The following TET2 variants were observed in gnomAD, a reference collection of about 807,000 sequenced individuals.
TET2 encodes the protein methylcytosine dioxygenase TET2.
Under a neutral mutation model 142.9 loss-of-function variants are expected in TET2, and 299 were observed. That is an observed-to-expected ratio of 2.09 (90% CI 1.90 to 2.30). The LOEUF (loss-of-function observed/expected upper bound fraction) is 2.30. Among genes scored for constraint, TET2 ranks in the 30% most tolerant of loss-of-function variants. The probability of loss-of-function intolerance (pLI) is 0.00; values close to 1 mark genes in which losing one functional copy is unlikely to be tolerated. For missense variants in TET2, 2,418 were observed against 2,378.0 expected (o/e 1.02, Z -0.35); for synonymous variants, 819 against 849.0 (o/e 0.96, Z 0.61).
Position 105,241,432 on chromosome 4 carries a change from A to T in TET2, c.3500+3A>T, listed in dbSNP as rs2110249331. ...ATTAGAGAAATCATGGAAGAAAGGT[A>T]ATTAACGCAAAGGCACAGGGCAGAT... On this transcript the variant is annotated splice_donor_region_variant and intron_variant, in intron 4 of 10. Coordinates refer to ENST00000380013, the MANE Select transcript of TET2 (RefSeq NM_001127208.3). The T allele has an allele frequency of 6.5e-7, 1 of 1,549,050 alleles. No individual in the cohort carries two copies. The highest frequency in any genetic ancestry group is 8.7e-7 in the Non-Finnish European group (1 of 1,146,352).
At position 105,200,642 on chromosome 4, in the gene TET2, G is replaced by GTTTTGTTTTTGT. The variant is rs70964635; in HGVS notation, c.-47+10160_-47+10171dup. Among the ~76,000 whole-genome samples the GTTTTGTTTTTGT allele has an allele frequency of 4.1e-4, 62 of 149,514 alleles. 2 individuals are homozygous for GTTTTGTTTTTGT. The South Asian group carries it at 7.5e-3, about 18-fold the overall frequency. ...CAGGTCACACTGTTTTTTTTTGTTT[G>GTTTTGTTTTTGT]TTTTGTTTTTGTTTTTGTTTTTGTT... is the stretch of plus-strand genomic sequence containing the variant. On this transcript the variant is annotated intron_variant, in intron 2 of 10. Transcript: ENST00000380013.
chr4:105,276,769 G>GA lies in TET2; in HGVS notation c.*253dup. ...TTCTATGCAAAAAGAAGGTGGGGAA[G>GA]AAAGTGTTCCGCAATTTACATTTTT... On this transcript the variant is annotated 3_prime_UTR_variant, in exon 11 of 11. Coordinates refer to ENST00000380013, the MANE Select transcript of TET2 (RefSeq NM_001127208.3). 1 of 403,530 alleles carries GA rather than the reference G, an allele frequency of 2.5e-6. No homozygotes were observed. The highest frequency in any genetic ancestry group is 4.5e-6 in the Non-Finnish European group (1 of 224,638). The allele number at this position is 403,530 out of a possible 1,614,324, so 25.0% of individuals were successfully genotyped here. A position where few individuals can be genotyped will look rare whatever the true frequency, so the allele number is the denominator to read the frequency against.
chr4:105,233,383 CAAAAAAAA>C (rs34890297), intron 2 of TET2, among the ~76,000 whole-genome samples: 1 of 76,148 alleles, frequency 1.3e-5, no homozygotes, highest in Non-Finnish European at 2.3e-5. Flanking sequence ...GACTCCATCT[CAAAAAAAA>C]AAAAAAAAAA....
At chr4:105,211,033 G>C (rs868094506) in intron 2 of TET2, among the ~76,000 whole-genome samples, 1 of 152,012 alleles carries the variant, frequency 6.6e-6, no homozygotes, top group Non-Finnish European at 1.5e-5. Flanking sequence ...ACTTCTAGCC[G>C]CACCTCAAAA....
chr4:105,241,319 A>ATC lies in TET2; in HGVS notation c.3410-18_3410-17dup. 6.5e-7 allele frequency: 1 copy of ATC among 1,529,348 alleles called. No homozygotes were observed. Among genetic ancestry groups the ATC allele is most frequent in the South Asian group, 1.2e-5 (1 of 80,104 alleles). The allele number at this position is 1,529,348 out of a possible 1,614,324, so 94.7% of individuals were successfully genotyped here. ...AGTATAATTGAGGTCTAAAATAATA[A>ATC]TCTTCTATTATCTCAACAGAGCAAA... On this transcript the variant is annotated intron_variant, in intron 3 of 10. Coordinates refer to ENST00000380013, the MANE Select transcript of TET2 (RefSeq NM_001127208.3).
At chr4:105,167,745 G>T (rs1437489235) in intron 1 of TET2, among the ~76,000 whole-genome samples, 7 of 152,072 alleles carry the variant, frequency 4.6e-5, no homozygotes, top group Non-Finnish European at 1.0e-4. Flanking sequence ...TCATTTCTGG[G>T]CCCTTGGAGA....
At chr4:105,190,567 G>T in intron 2 of TET2, 62 bp downstream of exon 2, 1 of 682,452 alleles carries the variant, frequency 1.5e-6, no homozygotes, top group Admixed American at 2.2e-5. Context: ...TAATGTAATG[G>T]TAATCTCTCT....
At chr4:105,203,428 C>T (rs6533182) in intron 2 of TET2, among the ~76,000 whole-genome samples, 2 of 152,050 alleles carry the variant, frequency 1.3e-5, no homozygotes, top group Non-Finnish European at 2.9e-5. Flanking sequence ...ACTGTAATCA[C>T]TTGGGAATTG....
At chr4:105,230,055 T>TATA (rs1560537478) in intron 2 of TET2, among the ~76,000 whole-genome samples, 34 of 151,942 alleles carry the variant, frequency 2.2e-4, no homozygotes, top group African/African-American at 8.0e-4. Context: ...ATATATATAT[T>TATA]TTTTGAGACA....
rs140283952 is a variant in TET2, at chr4:105,183,961, T to C, written c.-192-6399T>C. 1.3e-3 allele frequency among the ~76,000 whole-genome samples: 199 copies of C among 152,314 alleles called. 1 individual carries two copies. In the Middle Eastern group the frequency reaches 0.014, roughly 10 times the overall value. On this transcript the variant is annotated intron_variant, in intron 1 of 10. Coordinates refer to ENST00000380013, the MANE Select transcript of TET2 (RefSeq NM_001127208.3). ...GATGTTAGGAATGGTAAGTCTATTGTAGAGAATTATATTTTCTATTTTAGT... is the reference window on the plus strand; with the variant it reads ...GATGTTAGGAATGGTAAGTCTATTGCAGAGAATTATATTTTCTATTTTAGT...
Position 105,234,903 on chromosome 4 carries a change from CA to C in TET2, c.963del (p.Gln321HisfsTer26). On this transcript the variant is annotated frameshift_variant, in exon 3 of 11. Coordinates refer to ENST00000380013, the MANE Select transcript of TET2 (RefSeq NM_001127208.3). LOFTEE classifies it high-confidence loss of function. ...TACCTGTTCCTTTCAGAAACCAGAA[CA>C]ACTACAACAACAAAAATCAGTTTTT... is the stretch of plus-strand genomic sequence containing the variant. ...LNTCSFQKPE[Q>X]LQQQKSVFEI... 6.2e-7 allele frequency: 1 copy of C among 1,614,066 alleles called. No homozygotes were observed. Among genetic ancestry groups the C allele is most frequent in the Non-Finnish European group, 8.5e-7 (1 of 1,179,998 alleles).
At chr4:105,189,950 C>T (rs1449332103) in intron 1 of TET2, among the ~76,000 whole-genome samples, 1 of 152,176 alleles carries the variant, frequency 6.6e-6, no homozygotes, top group Non-Finnish European at 1.5e-5. Context: ...ATCTTACAGT[C>T]ACCTGGAGAA....
intron 1 of TET2, among the ~76,000 whole-genome samples, chr4:105,157,070 T>A (rs1445529042): frequency 6.6e-6 from 1 of 152,180 alleles, no homozygotes; most frequent in Non-Finnish European, 1.5e-5. Flanking sequence ...CTTTTTTGTT[T>A]GTTCTACTGT....
Position 105,235,630 on chromosome 4 carries a change from G to C in TET2, c.1688G>C (p.Gly563Ala), listed in dbSNP as rs2110229111. Residue 563 changes from glycine (G) to alanine (A), a missense_variant, in exon 3 of 11, where the codon GGA becomes GCA. Gly to Ala is a moderately conservative substitution (Grantham distance 60). Transcript: ENST00000380013. ...VPPTQHYLKPGWIELKAPRFH... is the reference protein window; with the variant it reads ...VPPTQHYLKPAWIELKAPRFH... ...CCAACACAGCACTATCTGAAACCAGGATGGATTGAATTGAAGGCCCCTCGT... is the reference window on the plus strand; with the variant it reads ...CCAACACAGCACTATCTGAAACCAGCATGGATTGAATTGAAGGCCCCTCGT... The C allele has an allele frequency of 6.2e-7, 1 of 1,614,134 alleles. No individual in the cohort carries two copies. The highest frequency in any genetic ancestry group is 8.5e-7 in the Non-Finnish European group (1 of 1,180,008).
intron 1 of TET2, among the ~76,000 whole-genome samples, chr4:105,174,944 A>G (rs1391890816): frequency 6.6e-6 from 1 of 152,202 alleles, no homozygotes; most frequent in Non-Finnish European, 1.5e-5. Flanking sequence ...CACATAGGGA[A>G]AGGAAAATAT....
At chr4:105,176,683 A>G (rs780266432) in intron 1 of TET2, among the ~76,000 whole-genome samples, 3 of 152,190 alleles carry the variant, frequency 2.0e-5, no homozygotes, top group Admixed American at 6.5e-5. Flanking sequence ...TCAAGATGTC[A>G]GTTCTTCCCA....
chr4:105,152,006 G>C (rs757052216), intron 1 of TET2, among the ~76,000 whole-genome samples: 1 of 152,134 alleles, frequency 6.6e-6, no homozygotes, highest in Non-Finnish European at 1.5e-5. Context: ...GCCTGGGCAT[G>C]GTGGCTCATA....
chr4:105,259,833 A>C, intron 7 of TET2, 64 bp downstream of exon 7: 1 of 1,473,088 alleles, frequency 6.8e-7, no homozygotes, highest in Non-Finnish European at 9.1e-7. Flanking sequence ...GCTTAGATGA[A>C]GTGAACAATA....
intron 3 of TET2, chr4:105,240,907 G>A: frequency 9.3e-7 from 1 of 1,080,660 alleles, no homozygotes; most frequent in Non-Finnish European, 1.1e-6. Context: ...GCAATATTCT[G>A]GGGGTGGGAT....
Sources: gnomAD v4.1 joint callset for allele counts (sites outside exome capture counted in the v4.1 genomes callset) on GRCh38, gnomAD v4.1.1 for gene constraint, MANE v1.5 for transcripts, NCBI Gene and HGNC (gene_info 2026-07-23, HGNC 2026-07-21) for gene names.